Variants in ARHGAP10 observed in about 807,000 individuals in gnomAD.
ARHGAP10 encodes the protein rho GTPase-activating protein 10.
In ARHGAP10, 87 loss-of-function variants were observed where a neutral mutation model predicts 108.6. The ratio of observed to expected loss-of-function variants is 0.80; its 90% CI spans 0.67 to 0.96. The LOEUF is 0.96. ARHGAP10 is among the 40% of genes least tolerant of loss of function. The pLI is 0.00. For synonymous variants in ARHGAP10, 347 were observed against 341.1 expected (o/e 1.02, Z -0.19); for missense variants, 939 against 954.5 (o/e 0.98, Z 0.21).
chr4:147,854,416 C>T (rs962281254), intron 4 of ARHGAP10, among the ~76,000 whole-genome samples: 1 of 152,164 alleles, frequency 6.6e-6, no homozygotes, highest in Admixed American at 6.5e-5. Context: ...CATTGCCTAC[C>T]ACTCCTGATT....
At chr4:148,007,260 A>T (rs755997274) in intron 18 of ARHGAP10, among the ~76,000 whole-genome samples, 1 of 152,244 alleles carries the variant, frequency 6.6e-6, no homozygotes, top group Non-Finnish European at 1.5e-5. Context: ...TAAAAGGAAC[A>T]TTAAGATGAG....
chr4:147,813,767 C>T (rs1010893004), intron 1 of ARHGAP10, among the ~76,000 whole-genome samples: 2 of 152,164 alleles, frequency 1.3e-5, no homozygotes, highest in Non-Finnish European at 1.5e-5. Flanking sequence ...CTGGTCTCTT[C>T]GTAATTGTAT....
intron 12 of ARHGAP10, among the ~76,000 whole-genome samples, chr4:147,911,629 T>G (rs1311843268): frequency 1.7e-5 from 1 of 58,062 alleles, no homozygotes; most frequent in Non-Finnish European, 4.0e-5. Flanking sequence ...CCCAAAGTGC[T>G]GGGATTACAG....
intron 10 of ARHGAP10, among the ~76,000 whole-genome samples, chr4:147,901,156 T>C (rs1736219570): frequency 6.6e-6 from 1 of 152,258 alleles, no homozygotes; most frequent in African/African-American, 2.4e-5. Context: ...TCTCATTCTT[T>C]CTTAGTGATG....
At chr4:147,856,552 A>C (rs929710892) in intron 4 of ARHGAP10, among the ~76,000 whole-genome samples, 1 of 152,208 alleles carries the variant, frequency 6.6e-6, no homozygotes, top group Non-Finnish European at 1.5e-5. Flanking sequence ...GCTTTATTTC[A>C]TGTACAAAAT....
At chr4:147,830,838 T>G (rs1484379705) in intron 3 of ARHGAP10, among the ~76,000 whole-genome samples, 1 of 152,234 alleles carries the variant, frequency 6.6e-6, no homozygotes, top group Non-Finnish European at 1.5e-5. Context: ...AGTTAACTTT[T>G]GCACTTACCT....
At chr4:147,982,546 C>CTT (rs753773443) in intron 18 of ARHGAP10, among the ~76,000 whole-genome samples, 2,417 of 66,040 alleles carry the variant, frequency 0.037, 31 homozygotes, top group Non-Finnish European at 0.042. Flanking sequence ...CCAGCTAAAT[C>CTT]TTTTTTTTTT....
chr4:147,844,221 G>A (rs986817558), intron 3 of ARHGAP10, among the ~76,000 whole-genome samples: 2 of 151,916 alleles, frequency 1.3e-5, no homozygotes, highest in Non-Finnish European at 2.9e-5. Flanking sequence ...GTACATAATA[G>A]GTATATATAT....
intron 19 of ARHGAP10, among the ~76,000 whole-genome samples, chr4:148,027,422 T>C (rs1044196092): frequency 6.6e-6 from 1 of 152,244 alleles, no homozygotes; most frequent in Non-Finnish European, 1.5e-5. Context: ...ATCACGAATG[T>C]GCTAACTGCA....
At chr4:147,849,544 T>C (rs1733775939) in intron 4 of ARHGAP10, among the ~76,000 whole-genome samples, 2 of 152,368 alleles carry the variant, frequency 1.3e-5, no homozygotes, top group East Asian at 3.9e-4. Flanking sequence ...GAAAAAGGTC[T>C]CTAAAAGTTG....
At chr4:147,966,155 T>C (rs960723590) in intron 17 of ARHGAP10, among the ~76,000 whole-genome samples, 1 of 152,176 alleles carries the variant, frequency 6.6e-6, no homozygotes, top group Non-Finnish European at 1.5e-5. Flanking sequence ...AGCAAAAGTA[T>C]AATATTCTGG....
Position 147,732,396 on chromosome 4 carries a change from C to T in ARHGAP10, c.95C>T (p.Thr32Ile). 6.2e-7 allele frequency: 1 copy of T among 1,613,392 alleles called. No homozygotes were observed. The highest frequency in any genetic ancestry group is 8.5e-7 in the Non-Finnish European group (1 of 1,179,636). ...GCTCACGAAGCGGAACTCGAGAGGA[C>T]CAACAAGTTCATCAAAGAGCTCATT... ...IRAHEAELER[T>I]NKFIKELIKD... The change falls in exon 1 of 23, where the codon ACC becomes ATC. Residue 32 changes from threonine (T) to isoleucine (I), a missense_variant. Transcript: ENST00000336498.
At chr4:147,913,524 C>T (rs566907152) in intron 13 of ARHGAP10, among the ~76,000 whole-genome samples, 75 of 152,298 alleles carry the variant, frequency 4.9e-4, no homozygotes, top group Non-Finnish European at 9.6e-4. Flanking sequence ...ACTTGGCTTG[C>T]AGGTGGCCCC....
rs368934266 is a variant in ARHGAP10, at chr4:147,958,920, A to G, written c.1450+3546A>G. Among the ~76,000 whole-genome samples the G allele has an allele frequency of 2.0e-5, 3 of 152,314 alleles. No homozygotes were observed. The East Asian group carries it at 5.8e-4, about 29-fold the overall frequency. On this transcript the variant is annotated intron_variant, in intron 16 of 22. Coordinates refer to ENST00000336498, the MANE Select transcript of ARHGAP10 (RefSeq NM_024605.4). ...GGTAGATGCTGATTTGTAGTTACAC[A>G]ATTAAAATGCCTTTTCCACTACAGT...
intron 3 of ARHGAP10, among the ~76,000 whole-genome samples, chr4:147,826,120 A>G (rs180723367): frequency 6.6e-6 from 1 of 152,290 alleles, no homozygotes; most frequent in Admixed American, 6.5e-5. Context: ...TGTCTGGAGG[A>G]AAAGTTCTGA....
At chr4:147,966,866 CTT>C (rs1473690246) in intron 18 of ARHGAP10, 27 bp downstream of exon 18, 5 of 1,529,890 alleles carry the variant, frequency 3.3e-6, no homozygotes, top group Non-Finnish European at 8.9e-7. Flanking sequence ...CTTTAAGAGA[CTT>C]TGTTTTCGGC....
intron 4 of ARHGAP10, among the ~76,000 whole-genome samples, chr4:147,847,603 C>G (rs1383044308): frequency 6.6e-6 from 1 of 152,194 alleles, no homozygotes; most frequent in Non-Finnish European, 1.5e-5. Flanking sequence ...GACGCTGCCA[C>G]ACTGTGATGC....
intron 1 of ARHGAP10, among the ~76,000 whole-genome samples, chr4:147,750,363 G>C (rs1188493185): frequency 1.3e-5 from 2 of 152,128 alleles, no homozygotes; most frequent in Non-Finnish European, 2.9e-5. Context: ...CATACCAAAA[G>C]TCAGAGTGTA....
chr4:147,895,495 A>T (rs1273977646), intron 10 of ARHGAP10, among the ~76,000 whole-genome samples: 1 of 141,648 alleles, frequency 7.1e-6, no homozygotes, highest in Non-Finnish European at 1.5e-5. Flanking sequence ...ATGTAATGAG[A>T]TAATGAGACC....
Sources: allele counts gnomAD v4.1 joint callset (sites outside exome capture counted in the v4.1 genomes callset), GRCh38; gene constraint gnomAD v4.1.1; transcripts MANE v1.5; gene names NCBI Gene and HGNC (gene_info 2026-07-23, HGNC 2026-07-21).